Variants in PTBP2 observed in about 807,000 individuals in gnomAD.
PTBP2 encodes polypyrimidine tract-binding protein 2.
In PTBP2, 13 loss-of-function variants were observed where a neutral mutation model predicts 61.4. The ratio of observed to expected loss-of-function variants is 0.21; its 90% CI spans 0.14 to 0.34. The LOEUF (loss-of-function observed/expected upper bound fraction) is 0.34, where lower values mean the gene tolerates loss of function less well. PTBP2 is among the 10% of genes least tolerant of loss of function. PTBP2 has a pLI of 1.00. For missense variants in PTBP2, 405 were observed against 642.6 expected (o/e 0.63, Z 4.00); for synonymous variants, 215 against 218.5 (o/e 0.98, Z 0.14).
At chr1:96,740,658 A>G (rs1652874306) in intron 2 of PTBP2, among the ~76,000 whole-genome samples, 2 of 152,096 alleles carry the variant, frequency 1.3e-5, no homozygotes, top group Non-Finnish European at 2.9e-5. Flanking sequence ...CTCATTTACT[A>G]CATGTTTATG....
downstream of PTBP2, chr1:96,815,368 C>T (rs1164272712): frequency 6.6e-6 from 1 of 152,114 alleles, no homozygotes; most frequent in Non-Finnish European, 1.5e-5. Context: ...GAAAGAGCAG[C>T]ATATCTGCAT....
chr1:96,785,088 C>T lies in PTBP2; in HGVS notation c.738C>T (p.Ala246=), dbSNP rs1014545698. 1 of 1,601,880 alleles carries T rather than the reference C, an allele frequency of 6.2e-7. No individual in the cohort carries two copies. Among genetic ancestry groups the T allele is most frequent in the Non-Finnish European group, 8.5e-7 (1 of 1,173,584 alleles). ...LALDGQNIYN[A]CCTLRIDFSK... ...TAGATGGTCAGAATATTTATAATGC[C>T]TGCTGTACCCTAAGGATTGATTTTT... is the stretch of plus-strand genomic sequence containing the variant. The change falls in exon 8 of 14, where the codon GCC becomes GCT. Residue 246 remains alanine (A), a synonymous_variant. Coordinates refer to ENST00000674951, the MANE Select transcript of PTBP2 (RefSeq NM_021190.4).
intron 3 of PTBP2, among the ~76,000 whole-genome samples, chr1:96,753,374 G>A (rs1301514551): frequency 6.6e-6 from 1 of 152,060 alleles, no homozygotes; most frequent in East Asian, 1.9e-4. Context: ...ATAAGACTGA[G>A]ATAAAAACCA....
intron 2 of PTBP2, among the ~76,000 whole-genome samples, chr1:96,743,876 G>A (rs930866609): frequency 4.0e-4 from 61 of 152,102 alleles, no homozygotes; most frequent in African/African-American, 1.3e-3. Context: ...TGTGTTGTGT[G>A]GGTTTTTATT....
chr1:96,787,263 C>T (rs1389826690), intron 8 of PTBP2, among the ~76,000 whole-genome samples: 3 of 152,090 alleles, frequency 2.0e-5, no homozygotes, highest in African/African-American at 7.2e-5. Context: ...CTCAGGTGAT[C>T]TGCCCGCCTC....
intron 2 of PTBP2, among the ~76,000 whole-genome samples, chr1:96,733,777 G>A (rs1397374403): frequency 6.6e-6 from 1 of 152,104 alleles, no homozygotes; most frequent in African/African-American, 2.4e-5. Flanking sequence ...CACTTATACA[G>A]AATTTTCTTC....
intron 3 of PTBP2, among the ~76,000 whole-genome samples, chr1:96,752,280 C>A (rs1291030352): frequency 6.6e-6 from 1 of 151,986 alleles, no homozygotes; most frequent in Non-Finnish European, 1.5e-5. Context: ...CATTATTTAC[C>A]TGAAACCAAA....
chr1:96,811,711 C>T (rs541819500), intron 11 of PTBP2, among the ~76,000 whole-genome samples: 55 of 152,276 alleles, frequency 3.6e-4, no homozygotes, highest in African/African-American at 1.2e-3. Flanking sequence ...CCAACGCGCC[C>T]GGCATCTACT....
intron 3 of PTBP2, among the ~76,000 whole-genome samples, chr1:96,766,892 A>G (rs1217285693): frequency 6.6e-6 from 1 of 152,096 alleles, no homozygotes; most frequent in Non-Finnish European, 1.5e-5. Context: ...AGCACAGACT[A>G]TGGAATCATG....
At chr1:96,786,921 G>T (rs1280222026) in intron 8 of PTBP2, among the ~76,000 whole-genome samples, 3 of 152,116 alleles carry the variant, frequency 2.0e-5, no homozygotes, top group African/African-American at 7.2e-5. Flanking sequence ...GATCCTGGGT[G>T]GGAGGCTTGG....
chr1:96,737,105 G>C (rs947851538), intron 2 of PTBP2, among the ~76,000 whole-genome samples: 1 of 151,098 alleles, frequency 6.6e-6, no homozygotes, highest in African/African-American at 2.4e-5. Flanking sequence ...TCAGCCTCCC[G>C]AGTAGCTGGG....
intron 5 of PTBP2, among the ~76,000 whole-genome samples, chr1:96,772,032 T>C (rs1270262691): frequency 6.6e-6 from 1 of 152,142 alleles, no homozygotes; most frequent in Non-Finnish European, 1.5e-5. Context: ...TGCAGTGTTC[T>C]CCAACTTAGC....
chr1:96,757,807 A>G (rs1655330560), intron 3 of PTBP2, among the ~76,000 whole-genome samples: 2 of 152,162 alleles, frequency 1.3e-5, no homozygotes, highest in African/African-American at 4.8e-5. Flanking sequence ...AAATTACACA[A>G]TCGTGAACAA....
intron 7 of PTBP2, 89 bp from the exon 8 acceptor site, chr1:96,784,970 T>G: frequency 9.1e-7 from 1 of 1,096,864 alleles, no homozygotes; most frequent in Non-Finnish European, 1.3e-6. Flanking sequence ...GTTCGAGTTT[T>G]TGTTGTTGAG....
At chr1:96,771,716 GA>G (rs972667105) in intron 5 of PTBP2, among the ~76,000 whole-genome samples, 5 of 151,886 alleles carry the variant, frequency 3.3e-5, no homozygotes, top group East Asian at 1.9e-4. Context: ...TTTTTACTTA[GA>G]TTTTTTTGCA....
chr1:96,771,196 G>A (rs1657341759), intron 5 of PTBP2: 1 of 157,150 alleles, frequency 6.4e-6, no homozygotes, highest in Admixed American at 6.5e-5. Flanking sequence ...TTTTTTATAG[G>A]TCTTAATTTC....
At chr1:96,784,619 A>G (rs1039972551) in intron 7 of PTBP2, among the ~76,000 whole-genome samples, 1 of 152,164 alleles carries the variant, frequency 6.6e-6, no homozygotes, top group Non-Finnish European at 1.5e-5. Flanking sequence ...ACAATGTGGC[A>G]TCAAATAGCA....
At chr1:96,738,559 G>C (rs1014068596) in intron 2 of PTBP2, among the ~76,000 whole-genome samples, 1 of 152,168 alleles carries the variant, frequency 6.6e-6, no homozygotes, top group Non-Finnish European at 1.5e-5. Context: ...GATTGGGTTT[G>C]AGCCCCTGTT....
At chr1:96,782,256 G>C (rs1179334313) in intron 7 of PTBP2, among the ~76,000 whole-genome samples, 1 of 151,868 alleles carries the variant, frequency 6.6e-6, no homozygotes, top group Non-Finnish European at 1.5e-5. Flanking sequence ...ATATAAGTGG[G>C]TTGTTTCTTA....
Sources: allele counts gnomAD v4.1 joint callset (sites outside exome capture counted in the v4.1 genomes callset), GRCh38; gene constraint gnomAD v4.1.1; transcripts MANE v1.5; gene names NCBI Gene and HGNC (gene_info 2026-07-23, HGNC 2026-07-21).